Variants in SPACA7 observed in about 807,000 individuals in gnomAD.
SPACA7 encodes sperm acrosome associated 7.
A neutral mutation model predicts 26.3 loss-of-function variants in SPACA7; 19 were observed. The ratio of observed to expected loss-of-function variants is 0.72; its 90% CI spans 0.50 to 1.06. SPACA7 has a LOEUF of 1.06. Ranked by LOEUF, SPACA7 falls within the 50% of genes least tolerant of loss-of-function variation. The pLI, the probability that SPACA7 is intolerant of heterozygous loss-of-function variation, is 0.00. For missense variants in SPACA7, 211 were observed against 229.9 expected (o/e 0.92, Z 0.53); for synonymous variants, 84 against 84.5 (o/e 0.99, Z 0.04).
At chr13:112,410,477 T>C (rs1461159683) in intron 5 of SPACA7, among the ~76,000 whole-genome samples, 1 of 152,050 alleles carries the variant, frequency 6.6e-6, no homozygotes, top group Non-Finnish European at 1.5e-5. Flanking sequence ...AGATATATAA[T>C]TTGCAAATTA....
chr13:112,401,481 C>T (rs1416984054), intron 5 of SPACA7, among the ~76,000 whole-genome samples: 1 of 152,030 alleles, frequency 6.6e-6, no homozygotes, highest in South Asian at 2.1e-4. Flanking sequence ...ATTTTAAGAA[C>T]AAACTTTTAG....
At chr13:112,389,990 T>C (rs186485993) in intron 1 of SPACA7, among the ~76,000 whole-genome samples, 23 of 152,296 alleles carry the variant, frequency 1.5e-4, no homozygotes, top group Admixed American at 3.3e-4. Context: ...CTTCACTGAG[T>C]AGATAAAATG....
chr13:112,430,379 GA>G (rs1382516656), intron 5 of SPACA7, among the ~76,000 whole-genome samples: 1 of 152,214 alleles, frequency 6.6e-6, no homozygotes, highest in Non-Finnish European at 1.5e-5. Flanking sequence ...TCTCTCAGGG[GA>G]TCACTGCTCT....
chr13:112,407,523 T>C (rs1886063573), intron 5 of SPACA7, among the ~76,000 whole-genome samples: 1 of 151,646 alleles, frequency 6.6e-6, no homozygotes, highest in South Asian at 2.1e-4. Flanking sequence ...CAACAAAAAA[T>C]GGTAAAGGGG....
intron 6 of SPACA7, 34 bp downstream of exon 6, chr13:112,432,555 T>A (rs1383613982): frequency 1.3e-6 from 2 of 1,488,304 alleles, no homozygotes; most frequent in Middle Eastern, 1.8e-4. Context: ...TGTCTTCTCA[T>A]TTGGGGATTC....
chr13:112,411,019 A>T (rs1215612718), intron 5 of SPACA7, among the ~76,000 whole-genome samples: 2 of 152,130 alleles, frequency 1.3e-5, no homozygotes, highest in Admixed American at 1.3e-4. Context: ...AGGAAAACTG[A>T]AAAAAATAAT....
intron 5 of SPACA7, among the ~76,000 whole-genome samples, chr13:112,423,232 G>T (rs1320926504): frequency 1.3e-5 from 2 of 152,128 alleles, no homozygotes; most frequent in Admixed American, 6.5e-5. Context: ...GGGCAAATGG[G>T]AAAGGGTTAA....
At chr13:112,419,887 C>T (rs558551610) in intron 5 of SPACA7, among the ~76,000 whole-genome samples, 55 of 152,330 alleles carry the variant, frequency 3.6e-4, no homozygotes, top group South Asian at 1.0e-3. Context: ...CCCGCTCTGC[C>T]GTGCAGGTGT....
At chr13:112,426,641 G>GT (rs1566489587) in intron 5 of SPACA7, among the ~76,000 whole-genome samples, 2 of 152,090 alleles carry the variant, frequency 1.3e-5, no homozygotes, top group African/African-American at 4.8e-5. Flanking sequence ...GTGTTTAGTA[G>GT]TTACTGATAT....
At chr13:112,387,748 C>T (rs1458010137) in intron 1 of SPACA7, among the ~76,000 whole-genome samples, 1 of 152,182 alleles carries the variant, frequency 6.6e-6, no homozygotes, top group Non-Finnish European at 1.5e-5. Flanking sequence ...AGAAAATCAC[C>T]ATTTCCTGTT....
chr13:112,394,323 C>T (rs979623903), intron 2 of SPACA7, among the ~76,000 whole-genome samples: 12 of 151,930 alleles, frequency 7.9e-5, no homozygotes, highest in African/African-American at 2.9e-4. Context: ...CCCAGGACCT[C>T]TCTGCCAGCA....
At chr13:112,388,690 G>C (rs373073950) in intron 1 of SPACA7, among the ~76,000 whole-genome samples, 1 of 152,222 alleles carries the variant, frequency 6.6e-6, no homozygotes, top group Non-Finnish European at 1.5e-5. Context: ...GTCACAACAG[G>C]GGAAATGCAA....
chr13:112,434,253 G>C (rs368045358), intron 6 of SPACA7, among the ~76,000 whole-genome samples: 2 of 152,154 alleles, frequency 1.3e-5, no homozygotes, highest in Non-Finnish European at 2.9e-5. Context: ...GGGAGAACGC[G>C]GGGGAAATGA....
intron 5 of SPACA7, among the ~76,000 whole-genome samples, chr13:112,419,441 G>A (rs1283913241): frequency 6.6e-6 from 1 of 152,138 alleles, no homozygotes; most frequent in Non-Finnish European, 1.5e-5. Flanking sequence ...CCACAGCTGG[G>A]GACAGACAGG....
chr13:112,389,793 A>G (rs1237019663), intron 1 of SPACA7, among the ~76,000 whole-genome samples: 1 of 152,208 alleles, frequency 6.6e-6, no homozygotes, highest in African/African-American at 2.4e-5. Flanking sequence ...TCTCCACTCT[A>G]TATTTTTATC....
chr13:112,412,386 A>G (rs1193965991), intron 5 of SPACA7, among the ~76,000 whole-genome samples: 2 of 152,050 alleles, frequency 1.3e-5, no homozygotes, highest in Non-Finnish European at 2.9e-5. Flanking sequence ...TAGTTTGCAA[A>G]TATTTTCTCC....
chr13:112,416,826 G>GTGTGTGTGTC (rs1269974123), intron 5 of SPACA7, among the ~76,000 whole-genome samples: 1 of 151,994 alleles, frequency 6.6e-6, no homozygotes, highest in Non-Finnish European at 1.5e-5. Context: ...GTGTGTGTGT[G>GTGTGTGTGTC]TGTGTGTATC....
At chr13:112,434,266 C>A (rs1377822315) in intron 6 of SPACA7, among the ~76,000 whole-genome samples, 1 of 152,184 alleles carries the variant, frequency 6.6e-6, no homozygotes, top group Non-Finnish European at 1.5e-5. Context: ...GGAAATGACA[C>A]TGGACAGGGT....
chr13:112,395,975 G>A (rs1222896259), intron 2 of SPACA7, among the ~76,000 whole-genome samples: 1 of 151,098 alleles, frequency 6.6e-6, no homozygotes, highest in Non-Finnish European at 1.5e-5. Context: ...AAGGGTCAAG[G>A]CAGCCTTTCG....
Sources: allele counts gnomAD v4.1 joint callset (sites outside exome capture counted in the v4.1 genomes callset), GRCh38; gene constraint gnomAD v4.1.1; transcripts MANE v1.5; gene names NCBI Gene and HGNC (gene_info 2026-07-23, HGNC 2026-07-21).